Variants in PCDH11X observed in about 807,000 individuals in gnomAD.
PCDH11X encodes the protein protocadherin-11 X-linked.
Under a neutral mutation model 53.3 loss-of-function variants are expected in PCDH11X, and 18 were observed. That is an observed-to-expected ratio of 0.34 (90% confidence interval 0.23 to 0.50). PCDH11X has a LOEUF of 0.50. PCDH11X is among the 20% of genes least tolerant of loss of function. The pLI is 0.98. For synonymous variants in PCDH11X, 279 were observed against 393.3 expected (o/e 0.71, Z 3.44); for missense variants, 570 against 1,032.4 (o/e 0.55, Z 6.14).
intron 8 of PCDH11X, among the ~76,000 whole-genome samples, chrX:92,349,596 G>C (rs983491508): frequency 2.2e-4 from 23 of 104,521 alleles, no homozygotes; most frequent in African/African-American, 7.8e-4. Flanking sequence ...TCCCCTTTCC[G>C]TTCTTCTCTG....
chrX:92,091,797 G>A (rs1429284212), intron 6 of PCDH11X, among the ~76,000 whole-genome samples: 1 of 111,335 alleles, frequency 9.0e-6, no homozygotes, highest in African/African-American at 3.3e-5. Context: ...GAAGCTCTCA[G>A]ATAGCCAACT....
intron 6 of PCDH11X, among the ~76,000 whole-genome samples, chrX:91,890,947 C>T (rs903378311): frequency 1.5e-4 from 16 of 106,067 alleles, no homozygotes; most frequent in African/African-American, 5.5e-4. Flanking sequence ...TATGAGGATA[C>T]ATCCAATTTT....
At position 92,282,593 on chromosome X, in the gene PCDH11X, TG is replaced by T. The variant is rs747365024; in HGVS notation, c.3144+19451del. Among the ~76,000 whole-genome samples, 119 of 111,749 alleles carry T rather than the reference TG, an allele frequency of 1.1e-3. 1 individual carries two copies. The highest frequency in any genetic ancestry group is 3.7e-3 in the African/African-American group (114 of 30,862). On this transcript the variant is annotated intron_variant, in intron 8 of 10. Coordinates refer to ENST00000682573, the MANE Select transcript of PCDH11X (RefSeq NM_032968.5). The stretch of plus-strand genomic sequence containing the variant: ...ATATGCTATGTTAAGCTCTTTGCAA[TG>T]AATTATGCTAAAATAAAATAGCATT...
At chrX:92,345,561 T>G (rs1304382818) in intron 8 of PCDH11X, among the ~76,000 whole-genome samples, 4 of 111,415 alleles carry the variant, frequency 3.6e-5, no homozygotes, top group South Asian at 3.7e-4. Flanking sequence ...TTTAAAAAAT[T>G]GTTTAAACAG....
rs186710712 is a variant in PCDH11X at position 92,107,893 on chromosome X, C to T, written c.3034-93482C>T. 1.9e-3 allele frequency among the ~76,000 whole-genome samples: 208 copies of T among 111,658 alleles called. 1 individual carries two copies. Among genetic ancestry groups the T allele is most frequent in the African/African-American group, 6.3e-3 (194 of 30,724 alleles). On this transcript the variant is annotated intron_variant, in intron 6 of 10. Coordinates refer to ENST00000682573, the MANE Select transcript of PCDH11X (RefSeq NM_032968.5). ...CTTTACAGAATTTGACTCTTTTCAT[C>T]GACAATATGCCAATATGTATAGGAA...
In PCDH11X at chrX:92,175,004, T is replaced by G. The variant is rs572958785; in HGVS notation, c.3034-26371T>G. On this transcript the variant is annotated intron_variant, in intron 6 of 10. Coordinates refer to ENST00000682573, the MANE Select transcript of PCDH11X (RefSeq NM_032968.5). The stretch of plus-strand genomic sequence containing the variant: ...AATTTTTTTTTTTTGAGACAGAGTT[T>G]CACTCTTGTTGCCCAGGTTTGAGTG... Among the ~76,000 whole-genome samples, 3 of 111,212 alleles carry G rather than the reference T, an allele frequency of 2.7e-5. No individual in the cohort carries two copies. In the East Asian group the frequency reaches 8.6e-4, roughly 32 times the overall value.
chrX:92,224,332 T>C (rs2066931583), intron 7 of PCDH11X, among the ~76,000 whole-genome samples: 1 of 111,790 alleles, frequency 8.9e-6, no homozygotes, highest in Non-Finnish European at 1.9e-5. Context: ...TAGTAGAGAA[T>C]GTTTGTGGGA....
chrX:92,479,007 G>C (rs760810219), intron 10 of PCDH11X, among the ~76,000 whole-genome samples: 35 of 109,649 alleles, frequency 3.2e-4, no homozygotes, highest in African/African-American at 1.1e-3. Context: ...TCACTTTGAT[G>C]ATCTCTAAGA....
intron 6 of PCDH11X, among the ~76,000 whole-genome samples, chrX:92,006,069 A>G (rs568282533): frequency 9.0e-6 from 1 of 110,612 alleles, no homozygotes; most frequent in South Asian, 3.9e-4. Flanking sequence ...ATGATTATTA[A>G]ATGGCTTGAG....
chrX:91,821,652 G>A (rs1204373150), intron 4 of PCDH11X, among the ~76,000 whole-genome samples: 1 of 104,741 alleles, frequency 9.5e-6, no homozygotes, highest in Non-Finnish European at 1.9e-5. Flanking sequence ...TTTCCTAATT[G>A]AATACCCTTT....
At position 91,832,186 on chromosome X, in the gene PCDH11X, A is replaced by G. The variant is rs768331032; in HGVS notation, c.-44-3275A>G. Among the ~76,000 whole-genome samples the G allele has an allele frequency of 8.0e-3, 821 of 102,786 alleles. 12 individuals carry two copies. Among genetic ancestry groups the G allele is most frequent in the African/African-American group, 0.024 (688 of 28,215 alleles). The allele number at this position is 102,786 out of a possible 115,157, so 89.3% of individuals were successfully genotyped here. A position where few individuals can be genotyped will look rare whatever the true frequency, so the allele number is the denominator to read the frequency against. On this transcript the variant is annotated intron_variant, in intron 4 of 10. Coordinates refer to ENST00000682573, the MANE Select transcript of PCDH11X (RefSeq NM_032968.5). Reference sequence around the variant, plus strand: ...ATAAATCATGCTGCTATAAAGACACACGCACATGTATGTTTATTGTGGCAC... The same window carrying G: ...ATAAATCATGCTGCTATAAAGACACGCGCACATGTATGTTTATTGTGGCAC...
intron 10 of PCDH11X, among the ~76,000 whole-genome samples, chrX:92,582,629 A>G (rs1923851082): frequency 9.0e-6 from 1 of 111,386 alleles, no homozygotes; most frequent in Admixed American, 9.5e-5. Flanking sequence ...AAGCCCCCAC[A>G]CAAAGTCCCC....
chrX:91,825,344 C>G (rs1181533810), intron 4 of PCDH11X, among the ~76,000 whole-genome samples: 1 of 111,426 alleles, frequency 9.0e-6, no homozygotes, highest in Non-Finnish European at 1.9e-5. Flanking sequence ...GGGCGTAGGA[C>G]CTTCCGAGCC....
chrX:91,825,332 G>A (rs1264929289), intron 4 of PCDH11X, among the ~76,000 whole-genome samples: 10 of 111,109 alleles, frequency 9.0e-5, no homozygotes, highest in South Asian at 7.8e-4. Flanking sequence ...GCGAGACTCC[G>A]TGGGCGTAGG....
chrX:92,309,817 C>G (rs2068910081), intron 8 of PCDH11X, among the ~76,000 whole-genome samples: 1 of 111,346 alleles, frequency 9.0e-6, no homozygotes, highest in Non-Finnish European at 1.9e-5. Flanking sequence ...AGACATTTCC[C>G]CCAAGCCAGT....
chrX:92,410,160 G>A (rs2578925), intron 9 of PCDH11X, among the ~76,000 whole-genome samples: 2 of 111,053 alleles, frequency 1.8e-5, no homozygotes, highest in Non-Finnish European at 3.8e-5. Flanking sequence ...TATCTCTTAT[G>A]CATTTCAGTT....
chrX:92,571,556 G>T (rs1922212418), intron 10 of PCDH11X, among the ~76,000 whole-genome samples: 1 of 107,456 alleles, frequency 9.3e-6, no homozygotes, highest in Non-Finnish European at 1.9e-5. Flanking sequence ...TGCAAAGAAA[G>T]CAGTCTGCGT....
intron 5 of PCDH11X, among the ~76,000 whole-genome samples, chrX:91,869,091 T>C (rs1222842793): frequency 3.6e-5 from 4 of 111,533 alleles, no homozygotes; most frequent in African/African-American, 1.3e-4. Context: ...TATTTAATTA[T>C]ATACTCTTAA....
intron 5 of PCDH11X, among the ~76,000 whole-genome samples, chrX:91,844,523 C>A (rs1937585666): frequency 9.2e-6 from 1 of 109,206 alleles, no homozygotes; most frequent in Non-Finnish European, 1.9e-5. Flanking sequence ...AAGATTTCCT[C>A]TCTTGTCTTT....
Sources: gnomAD v4.1 joint callset for allele counts (sites outside exome capture counted in the v4.1 genomes callset) on GRCh38, gnomAD v4.1.1 for gene constraint, MANE v1.5 for transcripts, NCBI Gene and HGNC (gene_info 2026-07-23, HGNC 2026-07-21) for gene names.